The following KIAA1549 variants were observed in gnomAD, a reference collection of about 807,000 sequenced individuals.
KIAA1549 encodes the protein UPF0606 protein KIAA1549.
KIAA1549 carries 70 observed loss-of-function variants against 156.4 expected under a neutral mutation model. The ratio of observed to expected loss-of-function variants is 0.45; its 90% CI spans 0.37 to 0.55. The LOEUF is 0.55. KIAA1549 is among the 20% of genes least tolerant of loss of function. KIAA1549 has a pLI of 0.00. For missense variants in KIAA1549, 2,428 were observed against 2,540.9 expected (o/e 0.96, Z 0.96); for synonymous variants, 1,103 against 1,066.4 (o/e 1.03, Z -0.67).
intron 18 of KIAA1549, among the ~76,000 whole-genome samples, chr7:138,841,892 T>TTAA (rs1554409024): frequency 7.1e-6 from 1 of 141,646 alleles, no homozygotes; most frequent in East Asian, 2.0e-4. Flanking sequence ...CAACCACATT[T>TTAA]AAAAAAAAAA....
At chr7:138,946,993 AC>A (rs1311366679) in intron 1 of KIAA1549, among the ~76,000 whole-genome samples, 1 of 152,126 alleles carries the variant, frequency 6.6e-6, no homozygotes, top group Non-Finnish European at 1.5e-5. Flanking sequence ...AGCAGCCCCC[AC>A]TGCCAACGGG....
chr7:138,921,726 A>G (rs10279506), intron 1 of KIAA1549, among the ~76,000 whole-genome samples: 74,561 of 151,886 alleles, frequency 0.49, 21,272 homozygotes, highest in African/African-American at 0.8. Flanking sequence ...TTAGCCGGGT[A>G]TGGTGGCACA....
At chr7:138,911,363 G>A in intron 3 of KIAA1549, 40 bp from the exon 4 acceptor site, 1 of 1,437,976 alleles carries the variant, frequency 7.0e-7, no homozygotes, top group Non-Finnish European at 9.4e-7. Flanking sequence ...CAAACTTAAA[G>A]GAAGTTGTGT....
chr7:138,951,922 G>A (rs10250498), intron 1 of KIAA1549, among the ~76,000 whole-genome samples: 23,055 of 152,064 alleles, frequency 0.15, 2,768 homozygotes, highest in African/African-American at 0.33. Context: ...GCTCCAGTGC[G>A]TTAACTAAAG....
In KIAA1549 at chr7:138,899,100, G is replaced by A. The variant is rs746749231; in HGVS notation, c.3702C>T (p.Asp1234=). The A allele has an allele frequency of 5.0e-6, 8 of 1,613,774 alleles. No homozygotes were observed. The highest frequency in any genetic ancestry group is 5.9e-6 in the Non-Finnish European group (7 of 1,179,728). The stretch of plus-strand genomic sequence containing the variant: ...CAAAGTAGATGAGCTGTACCGGATT[G>A]TCATCTCCCTCCAGCCTCGACACAT... ...VVNVSRLEGD[D]NPVQLIYFVE... The change falls in exon 9 of 20, where the codon GAC becomes GAT. Residue 1234 remains aspartate, a synonymous_variant. Transcript: ENST00000422774.
At chr7:138,950,196 A>G (rs1312261925) in intron 1 of KIAA1549, among the ~76,000 whole-genome samples, 2 of 152,204 alleles carry the variant, frequency 1.3e-5, no homozygotes, top group Non-Finnish European at 2.9e-5. Context: ...CAGTTTGTGA[A>G]AATTCATTGT....
At chr7:138,980,867 C>T (rs1814524000) in intron 1 of KIAA1549, among the ~76,000 whole-genome samples, 1 of 152,244 alleles carries the variant, frequency 6.6e-6, no homozygotes, top group Admixed American at 6.5e-5. Flanking sequence ...TTAGCAAGAC[C>T]GGCCAGAAGC....
rs745650437 is a variant in KIAA1549 at position 138,879,572 on chromosome 7, G to A, written c.4311C>T (p.Val1437=). ...GAGCTCTGTGGGACCTGCCATCGTTGACGGCTCCCGGCGTCTTATCTCCTG... is the reference window on the plus strand; with the variant it reads ...GAGCTCTGTGGGACCTGCCATCGTTAACGGCTCCCGGCGTCTTATCTCCTG... ...RDAGDKTPGA[V]NDGRSHRAPQ... The change falls in exon 12 of 20, where the codon GTC becomes GTT. Residue 1437 remains valine (V), a synonymous_variant. Coordinates refer to ENST00000422774, the MANE Select transcript of KIAA1549 (RefSeq NM_001164665.2). 119 of 1,568,362 alleles carry A rather than the reference G, an allele frequency of 7.6e-5. 1 individual carries two copies. In the Admixed American group the frequency reaches 1.2e-3, roughly 16 times the overall value.
intron 1 of KIAA1549, among the ~76,000 whole-genome samples, chr7:138,943,645 C>A (rs564527863): frequency 2.0e-4 from 30 of 152,168 alleles, no homozygotes; most frequent in Admixed American, 6.5e-4. Flanking sequence ...GTCAGGAGAT[C>A]GAGACCATCC....
intron 10 of KIAA1549, among the ~76,000 whole-genome samples, chr7:138,887,391 A>T (rs1811423494): frequency 6.6e-6 from 1 of 152,212 alleles, no homozygotes; most frequent in Admixed American, 6.5e-5. Context: ...CCCATGGACT[A>T]GCACCCTGAG....
intron 1 of KIAA1549, among the ~76,000 whole-genome samples, chr7:138,923,713 G>A (rs1397718373): frequency 6.6e-6 from 1 of 152,152 alleles, no homozygotes; most frequent in Admixed American, 6.5e-5. Context: ...ATATTATATG[G>A]AATTAAAAGT....
chr7:138,958,768 A>G (rs552472165), intron 1 of KIAA1549, among the ~76,000 whole-genome samples: 2 of 152,354 alleles, frequency 1.3e-5, no homozygotes, highest in African/African-American at 4.8e-5. Context: ...TCACTCAGCA[A>G]CAATCCAAGA....
intron 1 of KIAA1549, among the ~76,000 whole-genome samples, chr7:138,971,633 T>C (rs562070612): frequency 1.3e-5 from 2 of 152,128 alleles, no homozygotes; most frequent in Admixed American, 6.5e-5. Flanking sequence ...TCCTACCCAG[T>C]CAGCGGCTGT....
At position 138,836,664 on chromosome 7, in the gene KIAA1549, G is replaced by A. The variant is rs1809716751; in HGVS notation, c.*1242C>T. ...TTTACATCAGGAGTACATCTTAAGC[G>A]AGATGATCCCCTCTTAGCCCAAAGA... On this transcript the variant is annotated 3_prime_UTR_variant, in exon 20 of 20. Coordinates refer to ENST00000422774, the MANE Select transcript of KIAA1549 (RefSeq NM_001164665.2). The A allele has an allele frequency of 4.6e-6, 1 of 218,634 alleles. No homozygotes were observed. The allele number at this position is 218,634 out of a possible 1,614,324, so 13.5% of individuals were successfully genotyped here. A position where few individuals can be genotyped will look rare whatever the true frequency, so the allele number is the denominator to read the frequency against.
At chr7:138,941,092 ATAATT>A (rs1377489282) in intron 1 of KIAA1549, among the ~76,000 whole-genome samples, 1 of 152,084 alleles carries the variant, frequency 6.6e-6, no homozygotes, top group Non-Finnish European at 1.5e-5. Flanking sequence ...AAATTAAAAA[ATAATT>A]TAAAAAGATG....
In KIAA1549 at chr7:138,907,007, A is replaced by T. The variant is rs756936806; in HGVS notation, c.3372T>A (p.Asn1124Lys). The T allele has an allele frequency of 1.2e-6, 2 of 1,613,734 alleles. No individual in the cohort carries two copies. The highest frequency in any genetic ancestry group is 3.3e-5 in the Admixed American group (2 of 59,982). Residue 1124 changes from asparagine to lysine, a missense_variant, in exon 6 of 20, where the codon AAT becomes AAA. This residue lies in a region of KIAA1549 where 762 missense variants were observed against 901.6 expected (regional missense o/e 0.85). Transcript: ENST00000422774. ...FAVKSTQGFL[N>K]GSEVSELLRN... Reference sequence around the variant, plus strand: ...TGAGCAGCTCGCTCACTTCCGACCCATTCAAAAATCCCTGTGTGCTTTTAA... The same window carrying T: ...TGAGCAGCTCGCTCACTTCCGACCCTTTCAAAAATCCCTGTGTGCTTTTAA...
intron 4 of KIAA1549, among the ~76,000 whole-genome samples, chr7:138,910,720 T>G (rs1174267428): frequency 2.0e-5 from 3 of 148,424 alleles, no homozygotes; most frequent in Non-Finnish European, 4.5e-5. Flanking sequence ...TTTTTTTTTT[T>G]GTAGAGACAG....
chr7:138,869,485 C>A, intron 14 of KIAA1549, 53 bp downstream of exon 14: 1 of 1,407,958 alleles, frequency 7.1e-7, no homozygotes, highest in Non-Finnish European at 9.8e-7. Flanking sequence ...CCTGTGCCCC[C>A]CGCAGCACCT....
intron 12 of KIAA1549, among the ~76,000 whole-genome samples, chr7:138,872,310 G>A (rs540936235): frequency 6.7e-6 from 1 of 149,368 alleles, no homozygotes; most frequent in Non-Finnish European, 1.5e-5. Flanking sequence ...CAAATTTTAG[G>A]CCATGTATAT....
Sources: gnomAD v4.1 joint callset for allele counts (sites outside exome capture counted in the v4.1 genomes callset) on GRCh38, gnomAD v4.1.1 for gene constraint, gnomAD v4.1.1 regional missense constraint, MANE v1.5 for transcripts, NCBI Gene and HGNC (gene_info 2026-07-23, HGNC 2026-07-21) for gene names.